XYLT1: variants seen among roughly 807,000 people sequenced by gnomAD.
XYLT1 encodes xylosyltransferase 1.
Under a neutral mutation model 91.3 loss-of-function variants are expected in XYLT1, and 36 were observed. That is an observed-to-expected ratio of 0.39 (90% CI 0.30 to 0.52). The LOEUF is 0.52. Ranked by LOEUF, XYLT1 falls within the 20% of genes least tolerant of loss-of-function variation. XYLT1 has a pLI of 0.68. For synonymous variants in XYLT1, 588 were observed against 532.0 expected (o/e 1.11, Z -1.45); for missense variants, 1,242 against 1,284.5 (o/e 0.97, Z 0.51).
intron 1 of XYLT1, among the ~76,000 whole-genome samples, chr16:17,461,787 C>A (rs1002019385): frequency 1.3e-5 from 2 of 152,126 alleles, no homozygotes; most frequent in Non-Finnish European, 2.9e-5. Flanking sequence ...GAGACACCAC[C>A]CAACTTCAAT....
chr16:17,223,504 C>T (rs58793258), intron 3 of XYLT1, among the ~76,000 whole-genome samples: 210 of 152,384 alleles, frequency 1.4e-3, no homozygotes, highest in African/African-American at 4.7e-3. Flanking sequence ...ATGTGATGCA[C>T]ACAACTTCTA....
intron 2 of XYLT1, among the ~76,000 whole-genome samples, chr16:17,311,838 CA>C (rs2034555505): frequency 1.3e-5 from 2 of 151,968 alleles, no homozygotes; most frequent in Admixed American, 6.5e-5. Context: ...TGGCAGCAGG[CA>C]AAAGGAAAAT....
intron 2 of XYLT1, among the ~76,000 whole-genome samples, chr16:17,331,394 A>G (rs541175579): frequency 2.8e-4 from 43 of 152,324 alleles, no homozygotes; most frequent in African/African-American, 9.9e-4. Context: ...AGAATGAGCC[A>G]ATGTCTGCCT....
At chr16:17,269,835 G>A (rs572421382) in intron 2 of XYLT1, among the ~76,000 whole-genome samples, 1 of 93,162 alleles carries the variant, frequency 1.1e-5, no homozygotes, top group South Asian at 3.3e-4. Flanking sequence ...ATTTTGAGAT[G>A]GAGTCTCCCT....
At chr16:17,171,724 C>A (rs187242119) in intron 5 of XYLT1, among the ~76,000 whole-genome samples, 1 of 152,226 alleles carries the variant, frequency 6.6e-6, no homozygotes, top group African/African-American at 2.4e-5. Flanking sequence ...TCTGGGGGAA[C>A]CCCAGGTTGG....
At chr16:17,180,409 C>G (rs1047849680) in intron 5 of XYLT1, among the ~76,000 whole-genome samples, 1 of 152,078 alleles carries the variant, frequency 6.6e-6, no homozygotes, top group African/African-American at 2.4e-5. Context: ...TTCTGCTTGG[C>G]CTTAAACCAG....
intron 9 of XYLT1, among the ~76,000 whole-genome samples, chr16:17,133,442 A>G (rs2030575789): frequency 6.6e-6 from 1 of 151,850 alleles, no homozygotes; most frequent in African/African-American, 2.4e-5. Flanking sequence ...TCATCAGAAC[A>G]TTATTTACAA....
chr16:17,413,436 T>C (rs1393710773), intron 1 of XYLT1, among the ~76,000 whole-genome samples: 2 of 132,608 alleles, frequency 1.5e-5, no homozygotes, highest in Admixed American at 7.8e-5. Flanking sequence ...TTATTTTTTG[T>C]CATCATTTTT....
intron 3 of XYLT1, among the ~76,000 whole-genome samples, chr16:17,207,039 T>C (rs1270237720): frequency 1.4e-5 from 2 of 144,332 alleles, no homozygotes; most frequent in African/African-American, 2.7e-5. Flanking sequence ...GTCAGGTTGG[T>C]TTTCTTTTCT....
At chr16:17,149,135 A>G (rs910964392) in intron 6 of XYLT1, among the ~76,000 whole-genome samples, 1 of 152,234 alleles carries the variant, frequency 6.6e-6, no homozygotes, top group East Asian at 1.9e-4. Flanking sequence ...CCCCCATGGG[A>G]GAAGAAGTCA....
At chr16:17,455,111 G>A (rs918470692) in intron 1 of XYLT1, among the ~76,000 whole-genome samples, 1 of 151,992 alleles carries the variant, frequency 6.6e-6, no homozygotes, top group Non-Finnish European at 1.5e-5. Flanking sequence ...TCTAAAAAGA[G>A]GCAAAAGTAC....
intron 2 of XYLT1, among the ~76,000 whole-genome samples, chr16:17,283,387 T>A (rs1289182210): frequency 6.6e-6 from 1 of 152,094 alleles, no homozygotes. Flanking sequence ...TCTCTTCACA[T>A]CCCAGAGGAA....
At chr16:17,460,365 T>A (rs1386004146) in intron 1 of XYLT1, among the ~76,000 whole-genome samples, 4 of 152,174 alleles carry the variant, frequency 2.6e-5, no homozygotes. Flanking sequence ...TCGGGGACAT[T>A]TGCCTTCAGG....
intron 10 of XYLT1, among the ~76,000 whole-genome samples, chr16:17,119,546 A>G (rs2029974448): frequency 1.3e-5 from 2 of 152,182 alleles, no homozygotes; most frequent in Non-Finnish European, 2.9e-5. Context: ...CTAGCTTCTC[A>G]TTGTTCTTGC....
Position 17,198,328 on chromosome 16 carries a change from G to T in XYLT1, c.1173C>A (p.Ile391=). 6.2e-7 allele frequency: 1 copy of T among 1,614,226 alleles called. No homozygotes were observed. The highest frequency in any genetic ancestry group is 1.3e-5 in the African/African-American group (1 of 75,066). The part of the protein sequence containing the change: ...VRVTPWRMAT[I]WGGASLLSTY... The stretch of plus-strand genomic sequence containing the variant: ...TGGACAGGAGGCTGGCTCCTCCCCA[G>T]ATGGTGGCCATTCTCCAGGGGGTGA... The change falls in exon 5 of 12, where the codon ATC becomes ATA. Residue 391 remains isoleucine (I), a synonymous_variant. Transcript: ENST00000261381.
At chr16:17,263,818 C>G (rs1261826326) in intron 2 of XYLT1, among the ~76,000 whole-genome samples, 1 of 152,164 alleles carries the variant, frequency 6.6e-6, no homozygotes, top group East Asian at 1.9e-4. Context: ...AAGTGATTCT[C>G]CTGCCTCAGC....
chr16:17,384,155 A>T (rs1441622386), intron 1 of XYLT1, among the ~76,000 whole-genome samples: 1 of 151,846 alleles, frequency 6.6e-6, no homozygotes, highest in Non-Finnish European at 1.5e-5. Context: ...TGGGCTAATA[A>T]TGTATGTAAA....
intron 10 of XYLT1, among the ~76,000 whole-genome samples, chr16:17,123,347 C>T (rs1311966437): frequency 6.6e-6 from 1 of 152,108 alleles, no homozygotes; most frequent in Non-Finnish European, 1.5e-5. Context: ...CTTAGATTGT[C>T]TATTTGGGCT....
At chr16:17,244,684 A>C (rs2033406546) in intron 3 of XYLT1, among the ~76,000 whole-genome samples, 1 of 152,244 alleles carries the variant, frequency 6.6e-6, no homozygotes, top group Non-Finnish European at 1.5e-5. Flanking sequence ...ATGTATCCAG[A>C]ATGGTACTAG....
Sources: gnomAD v4.1 joint callset for allele counts (sites outside exome capture counted in the v4.1 genomes callset) on GRCh38, gnomAD v4.1.1 for gene constraint, MANE v1.5 for transcripts, NCBI Gene and HGNC (gene_info 2026-07-23, HGNC 2026-07-21) for gene names.